The following SYK variants were observed in gnomAD, a reference collection of about 807,000 sequenced individuals.
The protein encoded by SYK is spleen associated tyrosine kinase, also known as tyrosine-protein kinase SYK.
A neutral mutation model predicts 77.8 loss-of-function variants in SYK; 16 were observed. The observed-to-expected ratio is 0.21, with a 90% CI of 0.14 to 0.31. The LOEUF is 0.31. Among genes scored for constraint, SYK ranks in the 10% least tolerant of loss-of-function variants. The pLI is 1.00. For synonymous variants in SYK, 312 were observed against 308.7 expected, an observed-to-expected ratio of 1.01 and a Z score of -0.11; for missense variants, 529 against 814.4, an observed-to-expected ratio of 0.65 and a Z score of 4.26.
intron 2 of SYK, among the ~76,000 whole-genome samples, chr9:90,844,711 A>G (rs1225835446): frequency 6.6e-6 from 1 of 152,074 alleles, no homozygotes; most frequent in African/African-American, 2.4e-5. Flanking sequence ...CTGTGTCAAC[A>G]CTCATATAGT....
intron 1 of SYK, among the ~76,000 whole-genome samples, chr9:90,812,899 A>G (rs889362364): frequency 6.6e-6 from 1 of 152,138 alleles, no homozygotes; most frequent in Non-Finnish European, 1.5e-5. Context: ...AAGGCTTTAG[A>G]GTGAGAATGT....
At chr9:90,890,948 G>A (rs1025671009) in intron 13 of SYK, among the ~76,000 whole-genome samples, 4 of 152,150 alleles carry the variant, frequency 2.6e-5, no homozygotes, top group African/African-American at 7.2e-5. Context: ...GAGAGACAAG[G>A]GCTCCCAAGT....
At chr9:90,861,859 C>T (rs1399879922) in intron 3 of SYK, among the ~76,000 whole-genome samples, 3 of 152,214 alleles carry the variant, frequency 2.0e-5, no homozygotes, top group African/African-American at 4.8e-5. Flanking sequence ...CCCCTGTGCT[C>T]ATCACCCTGA....
chr9:90,806,579 T>G (rs1271554826), intron 1 of SYK, among the ~76,000 whole-genome samples: 1 of 152,214 alleles, frequency 6.6e-6, no homozygotes, highest in East Asian at 1.9e-4. Flanking sequence ...TGTAAATTGC[T>G]TATCATACTC....
At chr9:90,857,049 C>T (rs866685971) in intron 3 of SYK, among the ~76,000 whole-genome samples, 1 of 152,266 alleles carries the variant, frequency 6.6e-6, no homozygotes, top group African/African-American at 2.4e-5. Flanking sequence ...TTTAATTGCT[C>T]TCATTTGCCA....
intron 1 of SYK, 50 bp from the exon 2 acceptor site, chr9:90,843,808 C>G: frequency 1.5e-6 from 2 of 1,361,438 alleles, no homozygotes; most frequent in South Asian, 1.7e-5. Flanking sequence ...AGCAAACGTT[C>G]CCTGCCACGT....
chr9:90,829,862 G>A (rs1318229922), intron 1 of SYK, among the ~76,000 whole-genome samples: 1 of 152,220 alleles, frequency 6.6e-6, no homozygotes, highest in Non-Finnish European at 1.5e-5. Flanking sequence ...TTATGGCAAG[G>A]TGGGCATAGA....
intron 1 of SYK, among the ~76,000 whole-genome samples, chr9:90,841,408 AGT>A (rs1215858491): frequency 7.7e-6 from 1 of 129,720 alleles, no homozygotes; most frequent in South Asian, 2.4e-4. Flanking sequence ...TGACGTGTGC[AGT>A]GTGTGTAAGA....
In SYK at chr9:90,878,795, G is replaced by C. The variant is rs1025377245; in HGVS notation, c.1423G>C (p.Val475Leu). 3.1e-6 allele frequency: 5 copies of C among 1,613,658 alleles called. No individual in the cohort carries two copies. The Admixed American group carries it at 5.0e-5, about 16-fold the overall frequency. ...CAAGGATAAGAACATCATAGAACTG[G>C]TTCATCAGGTTTCCATGGGCATGAA... ...HVKDKNIIELVHQVSMGMKYL... is the reference protein window; with the variant it reads ...HVKDKNIIELLHQVSMGMKYL... Residue 475 changes from valine to leucine, a missense_variant, in exon 11 of 14, where the codon GTT becomes CTT. This residue lies in a region of SYK where 208 missense variants were observed against 381.3 expected (regional missense o/e 0.55). Coordinates refer to ENST00000375754, the MANE Select transcript of SYK (RefSeq NM_003177.7).
chr9:90,841,582 G>T (rs926897297), intron 1 of SYK, among the ~76,000 whole-genome samples: 1 of 149,978 alleles, frequency 6.7e-6, no homozygotes, highest in African/African-American at 2.5e-5. Context: ...TGTGTAGTGT[G>T]CATGTAGTTG....
intron 7 of SYK, among the ~76,000 whole-genome samples, chr9:90,873,921 C>T (rs1300611771): frequency 6.6e-6 from 1 of 152,182 alleles, no homozygotes; most frequent in Non-Finnish European, 1.5e-5. Flanking sequence ...GGGGAAGCAG[C>T]TCTATCCAGG....
In SYK at chr9:90,881,679, C is replaced by CAA. The variant is rs10526591; in HGVS notation, c.1581+2736_1581+2737dup. On this transcript the variant is annotated intron_variant, in intron 11 of 13. Coordinates refer to ENST00000375754, the MANE Select transcript of SYK (RefSeq NM_003177.7). ...TGGCCAACAGAGCAAGACTCTGTCT[C>CAA]AAAAAAAAAAAGGAATAAAAAGTGA... Among the ~76,000 whole-genome samples the CAA allele has an allele frequency of 2.7e-4, 24 of 89,396 alleles. 1 individual carries two copies. The highest frequency in any genetic ancestry group is 1.3e-3 in the Admixed American group (13 of 9,984). 58.6% of individuals were successfully genotyped at this position (89,396 alleles called of 152,430 possible). A position where few individuals can be genotyped will look rare whatever the true frequency, so the allele number is the denominator to read the frequency against.
chr9:90,874,592 C>T (rs1046920399), intron 8 of SYK, 80 bp from the exon 9 acceptor site: 18 of 1,470,220 alleles, frequency 1.2e-5, no homozygotes, highest in Non-Finnish European at 1.6e-5. Flanking sequence ...TTCATATTCC[C>T]ATGAAGATCA....
At chr9:90,811,404 A>C (rs557255099) in intron 1 of SYK, among the ~76,000 whole-genome samples, 1 of 152,226 alleles carries the variant, frequency 6.6e-6, no homozygotes, top group African/African-American at 2.4e-5. Flanking sequence ...TTAGGAACCT[A>C]TCACACATAT....
At chr9:90,844,393 CAT>C (rs1395086232) in intron 2 of SYK, 78 bp downstream of exon 2, 7 of 1,416,810 alleles carry the variant, frequency 4.9e-6, no homozygotes, top group Non-Finnish European at 6.5e-6. Context: ...ACATGCAACA[CAT>C]GTGCCTATGT....
intron 4 of SYK, among the ~76,000 whole-genome samples, chr9:90,863,339 A>G (rs897468366): frequency 6.6e-6 from 1 of 152,140 alleles, no homozygotes; most frequent in African/African-American, 2.4e-5. Flanking sequence ...GCGTGTTCCA[A>G]TGTCCTCACC....
At chr9:90,831,284 A>G (rs1253058095) in intron 1 of SYK, among the ~76,000 whole-genome samples, 1 of 152,206 alleles carries the variant, frequency 6.6e-6, no homozygotes, top group Non-Finnish European at 1.5e-5. Flanking sequence ...TGCCGGAGCC[A>G]TGCTTCAGTG....
chr9:90,882,722 A>G (rs1019918176), intron 11 of SYK, among the ~76,000 whole-genome samples: 2 of 152,274 alleles, frequency 1.3e-5, no homozygotes, highest in African/African-American at 4.8e-5. Context: ...TAACAAGTAC[A>G]TATTCACACT....
At chr9:90,812,003 G>A (rs1825098568) in intron 1 of SYK, among the ~76,000 whole-genome samples, 1 of 151,064 alleles carries the variant, frequency 6.6e-6, no homozygotes, top group African/African-American at 2.4e-5. Flanking sequence ...ATATTGGATT[G>A]TCGTTTACTA....
Sources: gnomAD v4.1 joint callset for allele counts (sites outside exome capture counted in the v4.1 genomes callset) on GRCh38, gnomAD v4.1.1 for gene constraint, gnomAD v4.1.1 regional missense constraint, MANE v1.5 for transcripts, NCBI Gene and HGNC (gene_info 2026-07-23, HGNC 2026-07-21) for gene names.